Variants in NAV3 observed in about 807,000 individuals in gnomAD.
NAV3 encodes pore membrane and/or filament interacting like protein 1.
Under a neutral mutation model 244.7 loss-of-function variants are expected in NAV3, and 87 were observed. That is an observed-to-expected ratio of 0.36 (90% CI 0.30 to 0.42). NAV3 has a LOEUF of 0.42. Among genes scored for constraint, NAV3 ranks in the 20% least tolerant of loss-of-function variants. The pLI is 1.00. For synonymous variants in NAV3, 1,126 were observed against 1,042.2 expected, an observed-to-expected ratio of 1.08 and a Z score of -1.55; for missense variants, 2,663 against 2,893.3, an observed-to-expected ratio of 0.92 and a Z score of 1.83.
intron 34 of NAV3, among the ~76,000 whole-genome samples, chr12:78,194,389 T>G (rs1298549870): frequency 4.6e-5 from 7 of 152,092 alleles, no homozygotes; most frequent in African/African-American, 1.4e-4. Flanking sequence ...TTCTCTCTTT[T>G]TTTGGGATAT....
At chr12:77,783,858 A>G (rs558310052) in intron 2 of NAV3, among the ~76,000 whole-genome samples, 6 of 152,264 alleles carry the variant, frequency 3.9e-5, no homozygotes, top group African/African-American at 1.4e-4. Context: ...CAGATAGAGG[A>G]AAATCATGCA....
At chr12:77,615,290 T>C (rs1362475965) in intron 2 of NAV3, among the ~76,000 whole-genome samples, 1 of 152,142 alleles carries the variant, frequency 6.6e-6, no homozygotes, top group Non-Finnish European at 1.5e-5. Flanking sequence ...CATGTACAGG[T>C]TTGTTACATG....
intron 1 of NAV3, among the ~76,000 whole-genome samples, chr12:77,864,947 G>A (rs1282453865): frequency 6.6e-6 from 1 of 151,966 alleles, no homozygotes; most frequent in African/African-American, 2.4e-5. Context: ...TGACCCAGAA[G>A]TATCTCCACA....
At chr12:78,144,360 T>C (rs1308557167) in intron 20 of NAV3, among the ~76,000 whole-genome samples, 2 of 151,980 alleles carry the variant, frequency 1.3e-5, no homozygotes, top group African/African-American at 4.8e-5. Flanking sequence ...TTTTATCATC[T>C]CCAGGACATT....
chr12:77,804,088 C>T (rs530048774), intron 2 of NAV3, among the ~76,000 whole-genome samples: 1 of 152,188 alleles, frequency 6.6e-6, no homozygotes, highest in Non-Finnish European at 1.5e-5. Flanking sequence ...TGCCTGTTCA[C>T]TCTGATGATA....
At chr12:77,574,603 T>C (rs1868991120) in intron 2 of NAV3, among the ~76,000 whole-genome samples, 1 of 152,136 alleles carries the variant, frequency 6.6e-6, no homozygotes, top group African/African-American at 2.4e-5. Context: ...TGAAGCATTT[T>C]TTAATATTAC....
intron 11 of NAV3, chr12:78,056,348 G>C (rs900371383): frequency 3.3e-5 from 5 of 152,138 alleles, no homozygotes; most frequent in African/African-American, 1.2e-4. Flanking sequence ...TCTCAGCCTA[G>C]AATTAAAACG....
intron 2 of NAV3, among the ~76,000 whole-genome samples, chr12:77,813,741 G>A (rs1432972711): frequency 2.0e-5 from 3 of 152,306 alleles, no homozygotes; most frequent in South Asian, 4.1e-4. Flanking sequence ...AAACCACACA[G>A]TCGGCATTAG....
At chr12:77,698,415 A>G (rs1416662771) in intron 2 of NAV3, among the ~76,000 whole-genome samples, 2 of 152,146 alleles carry the variant, frequency 1.3e-5, no homozygotes, top group Non-Finnish European at 2.9e-5. Context: ...ATGCAAATAG[A>G]GCATCCAGGT....
At chr12:78,118,983 A>C (rs191728224) in intron 14 of NAV3, among the ~76,000 whole-genome samples, 110 of 152,328 alleles carry the variant, frequency 7.2e-4, no homozygotes, top group African/African-American at 2.5e-3. Context: ...GAGTTGCAAA[A>C]TATAAGACAT....
intron 2 of NAV3, among the ~76,000 whole-genome samples, chr12:77,722,752 T>C (rs752692583): frequency 6.6e-6 from 1 of 152,064 alleles, no homozygotes; most frequent in Non-Finnish European, 1.5e-5. Context: ...CTTGAATTAA[T>C]CCAAATGTTT....
intron 5 of NAV3, among the ~76,000 whole-genome samples, chr12:77,990,405 A>G (rs1422205771): frequency 6.6e-6 from 1 of 151,926 alleles, no homozygotes; most frequent in Non-Finnish European, 1.5e-5. Flanking sequence ...TGACAAATGA[A>G]GGACCTGGCA....
In NAV3 at chr12:77,893,944, A is replaced by C. The variant is rs1884261969; in HGVS notation, c.244-46375A>C. On this transcript the variant is annotated intron_variant, in intron 1 of 39. Coordinates refer to ENST00000397909, the MANE Select transcript of NAV3 (RefSeq NM_001024383.2). ...GAAAACTAAAGCCCAAAGTGTATTC[A>C]TTTTCAGCAGAAAATACCAAGGATG... Among the ~76,000 whole-genome samples, 3 of 152,196 alleles carry C rather than the reference A, an allele frequency of 2.0e-5. No homozygotes were observed. The East Asian group carries it at 5.8e-4, about 29-fold the overall frequency.
At chr12:77,894,967 C>G (rs1444942191) in intron 1 of NAV3, among the ~76,000 whole-genome samples, 1 of 152,204 alleles carries the variant, frequency 6.6e-6, no homozygotes, top group African/African-American at 2.4e-5. Flanking sequence ...TGTGCTCTAG[C>G]AGATATTCCT....
chr12:77,598,309 T>C (rs185322360), intron 2 of NAV3, among the ~76,000 whole-genome samples: 25 of 152,214 alleles, frequency 1.6e-4, no homozygotes, highest in East Asian at 1.9e-4. Context: ...TCCCAATCTA[T>C]TGACCATTTC....
At chr12:77,943,891 A>T (rs577045104) in intron 3 of NAV3, among the ~76,000 whole-genome samples, 5 of 152,324 alleles carry the variant, frequency 3.3e-5, no homozygotes, top group African/African-American at 1.2e-4. Flanking sequence ...TTATTGAATC[A>T]TTTTAAGCCT....
chr12:77,821,635 G>A (rs571473685), intron 2 of NAV3, among the ~76,000 whole-genome samples: 1 of 152,192 alleles, frequency 6.6e-6, no homozygotes, highest in Admixed American at 6.5e-5. Flanking sequence ...ACTCTTTTAT[G>A]TTTTAGCCAA....
At chr12:78,027,149 A>G (rs1390312942) in intron 9 of NAV3, among the ~76,000 whole-genome samples, 1 of 152,142 alleles carries the variant, frequency 6.6e-6, no homozygotes, top group Non-Finnish European at 1.5e-5. Flanking sequence ...TAGAAAATGG[A>G]AGAAAGCCAA....
chr12:78,104,238 C>T (rs1954686861), intron 12 of NAV3, among the ~76,000 whole-genome samples: 1 of 151,998 alleles, frequency 6.6e-6, no homozygotes, highest in African/African-American at 2.4e-5. Context: ...GACTGTTGAG[C>T]CCCAGTAACA....
Sources: gnomAD v4.1 joint callset for allele counts (sites outside exome capture counted in the v4.1 genomes callset) on GRCh38, gnomAD v4.1.1 for gene constraint, MANE v1.5 for transcripts, NCBI Gene and HGNC (gene_info 2026-07-23, HGNC 2026-07-21) for gene names.